SULT2A1: variants seen among roughly 807,000 people sequenced by gnomAD.
SULT2A1 encodes sulfotransferase family 2A member 1.
Under a neutral mutation model 33.9 loss-of-function variants are expected in SULT2A1, and 43 were observed. The observed-to-expected ratio is 1.27, with a 90% CI of 1.00 to 1.64. The LOEUF (loss-of-function observed/expected upper bound fraction) is 1.64. Ranked by LOEUF, SULT2A1 falls within the 40% of genes most tolerant of loss-of-function variation. SULT2A1 has a pLI of 0.00. For synonymous variants in SULT2A1, 125 were observed against 113.6 expected (o/e 1.10, Z -0.64); for missense variants, 300 against 335.1 (o/e 0.90, Z 0.82).
intron 1 of SULT2A1, among the ~76,000 whole-genome samples, chr19:47,884,804 C>CTTTTTTTTTT (rs71181611): frequency 1.6e-5 from 1 of 64,008 alleles, no homozygotes; most frequent in Non-Finnish European, 2.7e-5. Flanking sequence ...CTCTCAACCA[C>CTTTTTTTTTT]TTTTTTTTTT....
chr19:47,874,304 G>A lies in SULT2A1; in HGVS notation c.745+353C>T, dbSNP rs868805611. On this transcript the variant is annotated intron_variant, in intron 5 of 5. Transcript: ENST00000222002. ...GCCTGTAATCCCAGCACTTTGGGAG[G>A]CCGAGGTGGGCGGATCACAAGGTCA... Among the ~76,000 whole-genome samples the A allele has an allele frequency of 1.3e-5, 2 of 152,216 alleles. 1 individual carries two copies. Among genetic ancestry groups the A allele is most frequent in the Middle Eastern group, 6.8e-3 (2 of 294 alleles).
At chr19:47,883,457 G>A (rs1968621484) in intron 2 of SULT2A1, 120 bp downstream of exon 2, 1 of 995,438 alleles carries the variant, frequency 1.0e-6, no homozygotes, top group Admixed American at 2.1e-5. Flanking sequence ...GGAATCTCAG[G>A]TCTCAACAAC....
chr19:47,882,007 GT>G, intron 3 of SULT2A1, 76 bp downstream of exon 3: 2 of 1,581,270 alleles, frequency 1.3e-6, no homozygotes, highest in Non-Finnish European at 1.7e-6. Flanking sequence ...TTGGTGAGAT[GT>G]AGAGATGTGA....
In SULT2A1 at chr19:47,874,705, G is replaced by T. The variant is rs1352184597; in HGVS notation, c.697C>A (p.Leu233Ile). Residue 233 changes from leucine to isoleucine, a missense_variant, in exon 5 of 6, where the codon CTC becomes ATC. Physicochemically the swap from Leu to Ile is conservative, Grantham distance 5 (BLOSUM62 2). Transcript: ENST00000222002. Reference protein sequence around the residue: ...MKENKMSNYSLLSVDYVVDKA... With the variant: ...MKENKMSNYSILSVDYVVDKA... Reference sequence around the variant, plus strand: ...TCCACTACATAATCAACACTCAGGAGGGAATAATTGGACATCTTGTTTTCT... The same window carrying T: ...TCCACTACATAATCAACACTCAGGATGGAATAATTGGACATCTTGTTTTCT... 4.3e-6 allele frequency: 7 copies of T among 1,613,988 alleles called. No individual in the cohort carries two copies. The highest frequency in any genetic ancestry group is 5.1e-6 in the Non-Finnish European group (6 of 1,179,992).
At position 47,883,641 on chromosome 19, in the gene SULT2A1, C is replaced by T. The variant is rs751662500; in HGVS notation, c.281G>A (p.Arg94His). 37 of 1,613,860 alleles carry T rather than the reference C, an allele frequency of 2.3e-5. No homozygotes were observed. The highest frequency in any genetic ancestry group is 2.8e-5 in the Non-Finnish European group (33 of 1,180,010). ...GATGGGGAGGTGGGAGGAGAATAAACGTGGACTCTCCGTTTCACTGAGTGC... is the reference window on the plus strand; with the variant it reads ...GATGGGGAGGTGGGAGGAGAATAAATGTGGACTCTCCGTTTCACTGAGTGC... ...YTALSETESPRLFSSHLPIQL... is the reference protein window; with the variant it reads ...YTALSETESPHLFSSHLPIQL... Residue 94 changes from arginine to histidine, a missense_variant, in exon 2 of 6, where the codon CGT (arginine) becomes CAT (histidine). By Grantham distance (29) the Arg-to-His change is conservative. Transcript: ENST00000222002.
chr19:47,878,969 G>A (rs11083904), intron 4 of SULT2A1, 67 bp downstream of exon 4: 37,091 of 1,005,940 alleles, frequency 0.037, 821 homozygotes, highest in Non-Finnish European at 0.046. Context: ...GCGGGATGGA[G>A]GGAATTTAAG....
At chr19:47,876,800 C>T (rs866940938) in intron 4 of SULT2A1, among the ~76,000 whole-genome samples, 7 of 139,150 alleles carry the variant, frequency 5.0e-5, no homozygotes, top group African/African-American at 8.0e-5. Flanking sequence ...GATGGCCGGG[C>T]GCGGTGGCTC....
Position 47,871,341 on chromosome 19 carries a change from T to C in SULT2A1, c.*114A>G. 1 of 820,018 alleles carries C rather than the reference T, an allele frequency of 1.2e-6. No individual in the cohort carries two copies. The highest frequency in any genetic ancestry group is 2.0e-6 in the Non-Finnish European group (1 of 507,622). The allele number at this position is 820,018 out of a possible 1,614,324, so 50.8% of individuals were successfully genotyped here. ...GGATCAGAGATGCAGAGGTTTGATATTTAAGGTTTCAGGATAAAATAATAA... is the reference window on the plus strand; with the variant it reads ...GGATCAGAGATGCAGAGGTTTGATACTTAAGGTTTCAGGATAAAATAATAA... On this transcript the variant is annotated 3_prime_UTR_variant, in exon 6 of 6. Coordinates refer to ENST00000222002, the MANE Select transcript of SULT2A1 (RefSeq NM_003167.4).
At position 47,886,253 on chromosome 19, in the gene SULT2A1, G is replaced by A. The variant is rs989081337; in HGVS notation, c.5C>T (p.Ser2Leu). 1.9e-6 allele frequency: 3 copies of A among 1,613,838 alleles called. No individual in the cohort carries two copies. Among genetic ancestry groups the A allele is most frequent in the Middle Eastern group, 1.7e-4 (1 of 6,060 alleles). ...GCCTTCAAACCATAAGAAATCGTCC[G>A]ACATGATGATGACCTCTTCCTGCGT... Reference protein sequence around the residue: MSDDFLWFEGIA... With the variant: MLDDFLWFEGIA... The change falls in exon 1 of 6, where the codon TCG becomes TTG. Residue 2 changes from serine (S) to leucine (L), a missense_variant. Coordinates refer to ENST00000222002, the MANE Select transcript of SULT2A1 (RefSeq NM_003167.4).
At chr19:47,873,320 C>T (rs971793901) in intron 5 of SULT2A1, among the ~76,000 whole-genome samples, 12 of 151,328 alleles carry the variant, frequency 7.9e-5, no homozygotes, top group African/African-American at 1.2e-4. Flanking sequence ...CAGGCGCCCA[C>T]CACCACACTT....
chr19:47,884,084 A>G (rs188046899), intron 1 of SULT2A1, among the ~76,000 whole-genome samples: 61 of 151,088 alleles, frequency 4.0e-4, no homozygotes, highest in African/African-American at 1.3e-3. Context: ...CAGCCTGGGC[A>G]ACAGAGTGAG....
At chr19:47,872,545 C>G (rs567811624) in intron 5 of SULT2A1, among the ~76,000 whole-genome samples, 4 of 152,078 alleles carry the variant, frequency 2.6e-5, no homozygotes, top group Non-Finnish European at 5.9e-5. Context: ...TGGCCCATGA[C>G]TTGCCTATTT....
At chr19:47,874,341 C>T (rs753910642) in intron 5 of SULT2A1, among the ~76,000 whole-genome samples, 12 of 152,026 alleles carry the variant, frequency 7.9e-5, no homozygotes, top group Non-Finnish European at 8.8e-5. Flanking sequence ...GAGATCGAGA[C>T]CAGCCTAGCT....
chr19:47,885,665 CAT>C (rs1470113431), intron 1 of SULT2A1, among the ~76,000 whole-genome samples: 3 of 152,216 alleles, frequency 2.0e-5, no homozygotes, highest in Admixed American at 2.0e-4. Flanking sequence ...CTCCCAGAGA[CAT>C]ATGATCCTCA....
chr19:47,878,804 C>T (rs774725439), intron 4 of SULT2A1, among the ~76,000 whole-genome samples: 5 of 152,226 alleles, frequency 3.3e-5, no homozygotes, highest in African/African-American at 7.2e-5. Flanking sequence ...CGCCAGCCAA[C>T]GTGCCTGGCT....
chr19:47,883,574 G>A lies in SULT2A1; in HGVS notation c.345+3C>T. ...AAACACGTCTTAACCATTATGCACT[G>A]ACCTTGGCCTTGGAACTGAAGAAAG... On this transcript the variant is annotated splice_donor_region_variant and intron_variant, in intron 2 of 5. Transcript: ENST00000222002. 6.2e-7 allele frequency: 1 copy of A among 1,613,838 alleles called. No homozygotes were observed. The highest frequency in any genetic ancestry group is 1.1e-5 in the South Asian group (1 of 91,058).
At position 47,886,209 on chromosome 19, in the gene SULT2A1, C is replaced by T; in HGVS notation, c.49G>A (p.Gly17Ser). ...WFEGIAFPTM[G>S]FRSETLRKVR... ...TTTCTTAAGGTTTCGGATCTGAAAC[C>T]CATAGTAGGGAAAGCTATGCCTTCA... is the stretch of plus-strand genomic sequence containing the variant. Residue 17 changes from glycine to serine, a missense_variant, in exon 1 of 6, where the codon GGT becomes AGT. Gly to Ser is a moderately conservative substitution (Grantham distance 56). Coordinates refer to ENST00000222002, the MANE Select transcript of SULT2A1 (RefSeq NM_003167.4). 1.9e-6 allele frequency: 3 copies of T among 1,614,030 alleles called. No individual in the cohort carries two copies. The highest frequency in any genetic ancestry group is 2.5e-6 in the Non-Finnish European group (3 of 1,180,004).
chr19:47,881,382 G>C (rs1318405713), intron 3 of SULT2A1, among the ~76,000 whole-genome samples: 1 of 152,020 alleles, frequency 6.6e-6, no homozygotes, highest in Admixed American at 6.6e-5. Flanking sequence ...ATGTTGGCCA[G>C]GTTGGTCTCG....
intron 4 of SULT2A1, among the ~76,000 whole-genome samples, chr19:47,878,198 C>T (rs540706582): frequency 7.9e-5 from 12 of 152,166 alleles, no homozygotes; most frequent in Non-Finnish European, 1.3e-4. Context: ...TTTTTAGAGC[C>T]GGCGTCTTGC....
Sources: gnomAD v4.1 joint callset for allele counts (sites outside exome capture counted in the v4.1 genomes callset) on GRCh38, gnomAD v4.1.1 for gene constraint, MANE v1.5 for transcripts, NCBI Gene and HGNC (gene_info 2026-07-23, HGNC 2026-07-21) for gene names.